Variants in REL observed in about 807,000 individuals in gnomAD.
REL encodes the protein proto-oncogene c-Rel.
REL carries 15 observed loss-of-function variants against 45.9 expected under a neutral mutation model. The ratio of observed to expected loss-of-function variants is 0.33; its 90% CI spans 0.22 to 0.50. REL has a LOEUF of 0.50. Ranked by LOEUF, REL falls within the 20% of genes least tolerant of loss-of-function variation. The pLI is 0.98. For synonymous variants in REL, 239 were observed against 242.1 expected (o/e 0.99, Z 0.12); for missense variants, 601 against 715.2 (o/e 0.84, Z 1.82).
At chr2:60,898,324 A>G (rs1558796913) in intron 3 of REL, among the ~76,000 whole-genome samples, 1 of 152,190 alleles carries the variant, frequency 6.6e-6, no homozygotes, top group South Asian at 2.1e-4. Flanking sequence ...TATATAGCCT[A>G]TAAGGCCCAC....
chr2:60,890,050 C>T (rs931979605), intron 1 of REL, among the ~76,000 whole-genome samples: 3 of 152,174 alleles, frequency 2.0e-5, no homozygotes, highest in African/African-American at 4.8e-5. Context: ...GTTGAACTAG[C>T]TTACAGTCCC....
chr2:60,920,734 G>A, intron 9 of REL, 92 bp downstream of exon 9: 1 of 761,634 alleles, frequency 1.3e-6, no homozygotes. Flanking sequence ...ATGAATAACT[G>A]CTTCTTTGAA....
rs1674381023 is a variant in REL at position 60,931,492 on chromosome 2, A to G, written c.*8957A>G. Reference sequence around the variant, plus strand: ...TTATTTAATGTTAAGTTTAGTATCAAGATACAGTTGTTTTTAAAATGCCAA... The same window carrying G: ...TTATTTAATGTTAAGTTTAGTATCAGGATACAGTTGTTTTTAAAATGCCAA... On this transcript the variant is annotated 3_prime_UTR_variant, in exon 10 of 10. Transcript: ENST00000394479. 1 of 152,358 alleles carries G rather than the reference A, an allele frequency of 6.6e-6. No homozygotes were observed. Among genetic ancestry groups the G allele is most frequent in the South Asian group, 2.1e-4 (1 of 4,832 alleles). 9.4% of individuals were successfully genotyped at this position (152,358 alleles called of 1,614,324 possible).
At chr2:60,882,901 G>A (rs1672980651) in intron 1 of REL, among the ~76,000 whole-genome samples, 1 of 152,130 alleles carries the variant, frequency 6.6e-6, no homozygotes, top group East Asian at 1.9e-4. Context: ...CCTTTGGGGG[G>A]GAATAAGTTT....
rs948748012 is a variant in REL at position 60,923,711 on chromosome 2, C to T, written c.*1176C>T. 7 of 232,964 alleles carry T rather than the reference C, an allele frequency of 3.0e-5. No individual in the cohort carries two copies. The highest frequency in any genetic ancestry group is 4.2e-5 in the Non-Finnish European group (5 of 117,942). 14.4% of individuals were successfully genotyped at this position (232,964 alleles called of 1,614,324 possible). ...TTCACAATATATCTAAAGCTGACCA[C>T]CTCTTTTGACCTCTACTATTAACGC... is the stretch of plus-strand genomic sequence containing the variant. On this transcript the variant is annotated 3_prime_UTR_variant, in exon 10 of 10. Transcript: ENST00000394479.
chr2:60,921,705 A>T, intron 9 of REL, 58 bp from the exon 10 acceptor site: 1 of 1,445,116 alleles, frequency 6.9e-7, no homozygotes, highest in Non-Finnish European at 9.4e-7. Flanking sequence ...TTAATTTAGA[A>T]ATGCTTTTTA....
chr2:60,900,957 T>C (rs1454084598), intron 3 of REL, 35 bp from the exon 4 acceptor site: 1 of 1,547,214 alleles, frequency 6.5e-7, no homozygotes, highest in Admixed American at 1.8e-5. Flanking sequence ...CTTGTGTTTA[T>C]AATGCAGTTT....
intron 1 of REL, among the ~76,000 whole-genome samples, chr2:60,888,891 G>T (rs962897420): frequency 3.6e-4 from 55 of 152,214 alleles, no homozygotes; most frequent in African/African-American, 1.3e-3. Flanking sequence ...TCTTATCACT[G>T]CCATATATCA....
At chr2:60,895,682 C>T (rs994616833) in intron 3 of REL, among the ~76,000 whole-genome samples, 6 of 152,186 alleles carry the variant, frequency 3.9e-5, no homozygotes, top group Admixed American at 2.6e-4. Context: ...TTAATAAAGA[C>T]GTCTGGTAGG....
In REL at chr2:60,931,437, A is replaced by AT. The variant is rs1042419447; in HGVS notation, c.*8909dup. 3.3e-5 allele frequency: 5 copies of AT among 152,296 alleles called. No homozygotes were observed. Among genetic ancestry groups the AT allele is most frequent in the African/African-American group, 1.2e-4 (5 of 41,438 alleles). 9.4% of individuals were successfully genotyped at this position (152,296 alleles called of 1,614,324 possible). A position where few individuals can be genotyped will look rare whatever the true frequency, so the allele number is the denominator to read the frequency against. ...GAATTTGGAGGCACTGATGAAAGTG[A>AT]TTTTTTTAAAGTTCTCAGGTACTGT... On this transcript the variant is annotated 3_prime_UTR_variant, in exon 10 of 10. Coordinates refer to ENST00000394479, the MANE Select transcript of REL (RefSeq NM_001291746.2).
Position 60,925,910 on chromosome 2 carries a change from CGG to C in REL, c.*3376_*3377del. 4.5e-6 allele frequency: 1 copy of C among 224,434 alleles called. No individual in the cohort carries two copies. Among genetic ancestry groups the C allele is most frequent in the Non-Finnish European group, 8.9e-6 (1 of 112,328 alleles). 13.9% of individuals were successfully genotyped at this position (224,434 alleles called of 1,614,324 possible). On this transcript the variant is annotated 3_prime_UTR_variant, in exon 10 of 10. Coordinates refer to ENST00000394479, the MANE Select transcript of REL (RefSeq NM_001291746.2). ...ACTAAATAAGTGTTGGCTAGTTTTG[CGG>C]TGTAAGCAGAATTAAGGTTCTGCTA... is the stretch of plus-strand genomic sequence containing the variant.
At chr2:60,910,024 A>T (rs1168675444) in intron 4 of REL, among the ~76,000 whole-genome samples, 2 of 152,240 alleles carry the variant, frequency 1.3e-5, no homozygotes, top group Admixed American at 1.3e-4. Flanking sequence ...TAGTAGACAT[A>T]ATTGATTTTT....
intron 4 of REL, chr2:60,911,498 G>A (rs1368221235): frequency 6.6e-6 from 1 of 152,032 alleles, no homozygotes; most frequent in Non-Finnish European, 1.5e-5. Flanking sequence ...ATATATAAAG[G>A]TCAGTCATAT....
In REL at chr2:60,905,425, C is replaced by T. The variant is rs116069302; in HGVS notation, c.394+4342C>T. Among the ~76,000 whole-genome samples, 1,086 of 152,278 alleles carry T rather than the reference C, an allele frequency of 7.1e-3. 11 individuals carry two copies. The highest frequency in any genetic ancestry group is 0.02 in the Middle Eastern group (6 of 294). ...CAAATTCATTCCTTCCCGAGCCTTT[C>T]AGCAGTGGTTCTCAATTTGAATGTG... On this transcript the variant is annotated intron_variant, in intron 4 of 9. Transcript: ENST00000394479.
chr2:60,886,172 G>T (rs184052879), intron 1 of REL, among the ~76,000 whole-genome samples: 2 of 152,140 alleles, frequency 1.3e-5, no homozygotes, highest in African/African-American at 2.4e-5. Context: ...TTTCAGCAAC[G>T]TGTATCTGGG....
Position 60,900,949 on chromosome 2 carries a change from T to TTATATTTTTATA in REL, c.303-43_303-42insTATATTTTTATA, listed in dbSNP as rs1673477403. On this transcript the variant is annotated intron_variant, in intron 3 of 9. Coordinates refer to ENST00000394479, the MANE Select transcript of REL (RefSeq NM_001291746.2). ...TATGTTTGATTTTTGCAATATTCCT[T>TTATATTTTTATA]GTGTTTATAATGCAGTTTTGAATAT... 2.6e-6 allele frequency: 4 copies of TTATATTTTTATA among 1,510,334 alleles called. No individual in the cohort carries two copies. The South Asian group carries it at 4.7e-5, about 18-fold the overall frequency. 93.6% of individuals were successfully genotyped at this position (1,510,334 alleles called of 1,614,324 possible).
At chr2:60,897,317 T>C (rs1673375418) in intron 3 of REL, among the ~76,000 whole-genome samples, 3 of 148,592 alleles carry the variant, frequency 2.0e-5, no homozygotes, top group African/African-American at 2.5e-5. Context: ...TTTTTTTTCC[T>C]TTTTTTTTGA....
In REL at chr2:60,927,497, A is replaced by G; in HGVS notation, c.*4962A>G. Reference sequence around the variant, plus strand: ...TTTTTGGGATTATTTCATAGCCCTGACCTTGCTACTTCTCTCCACTTTATG... The same window carrying G: ...TTTTTGGGATTATTTCATAGCCCTGGCCTTGCTACTTCTCTCCACTTTATG... On this transcript the variant is annotated 3_prime_UTR_variant, in exon 10 of 10. Coordinates refer to ENST00000394479, the MANE Select transcript of REL (RefSeq NM_001291746.2). 2 of 229,568 alleles carry G rather than the reference A, an allele frequency of 8.7e-6. No individual in the cohort carries two copies. Among genetic ancestry groups the G allele is most frequent in the Non-Finnish European group, 1.7e-5 (2 of 115,668 alleles). 14.2% of individuals were successfully genotyped at this position (229,568 alleles called of 1,614,324 possible).
At chr2:60,886,448 G>A (rs1465747583) in intron 1 of REL, among the ~76,000 whole-genome samples, 5 of 151,766 alleles carry the variant, frequency 3.3e-5, no homozygotes, top group Non-Finnish European at 5.9e-5. Context: ...TTTAAATTTG[G>A]CACTGCCATA....
Sources: allele counts gnomAD v4.1 joint callset (sites outside exome capture counted in the v4.1 genomes callset), GRCh38; gene constraint gnomAD v4.1.1; transcripts MANE v1.5; gene names NCBI Gene and HGNC (gene_info 2026-07-23, HGNC 2026-07-21).